The following CEP63 variants were observed in gnomAD, a reference collection of about 807,000 sequenced individuals.
CEP63 encodes centrosomal protein of 63 kDa.
CEP63 carries 84 observed loss-of-function variants against 89.1 expected under a neutral mutation model. That is an observed-to-expected ratio of 0.94 (90% CI 0.79 to 1.13). CEP63 has a LOEUF of 1.13. Among genes scored for constraint, CEP63 ranks in the 50% most tolerant of loss-of-function variants. CEP63 has a pLI of 0.00. For missense variants in CEP63, 838 were observed against 813.3 expected (o/e 1.03, Z -0.37); for synonymous variants, 267 against 272.5 (o/e 0.98, Z 0.20).
intron 10 of CEP63, among the ~76,000 whole-genome samples, chr3:134,583,223 T>C (rs1030460382): frequency 2.0e-5 from 3 of 152,150 alleles, no homozygotes; most frequent in Admixed American, 6.5e-5. Flanking sequence ...GTTGCCATTG[T>C]TTTTGGTGTT....
At chr3:134,647,795 A>T in the CEP63 span, among the ~76,000 whole-genome samples, 9 of 152,334 alleles carry the variant, frequency 5.9e-5, no homozygotes, top group African/African-American at 1.2e-4. Context: ...CTGCATACAT[A>T]TGAAAGCATT....
At chr3:134,628,578 C>G in the CEP63 span, among the ~76,000 whole-genome samples, 3 of 152,292 alleles carry the variant, frequency 2.0e-5, no homozygotes, top group East Asian at 5.8e-4. Context: ...TTTCTCACAC[C>G]TGCATTTTGT....
the CEP63 span, among the ~76,000 whole-genome samples, chr3:134,726,228 A>G: frequency 2.0e-5 from 3 of 152,028 alleles, no homozygotes; most frequent in Non-Finnish European, 4.4e-5. Context: ...GGCTTTTTCC[A>G]CGGAAAGGCA....
At chr3:134,540,261 G>A (rs776955432) in intron 6 of CEP63, among the ~76,000 whole-genome samples, 1 of 152,136 alleles carries the variant, frequency 6.6e-6, no homozygotes, top group African/African-American at 2.4e-5. Context: ...CAACAGATTT[G>A]TAGTCATAAT....
At chr3:134,538,566 T>TATATATATATATATATGTATATATA (rs1407833955) in intron 6 of CEP63, among the ~76,000 whole-genome samples, 1 of 144,046 alleles carries the variant, frequency 6.9e-6, no homozygotes, top group Non-Finnish European at 1.5e-5. Flanking sequence ...TATATATATA[T>TATATATATATATATATGTATATATA]TTTTTTAACA....
chr3:134,742,971 G>T, the CEP63 span, among the ~76,000 whole-genome samples: 1 of 152,248 alleles, frequency 6.6e-6, no homozygotes, highest in Non-Finnish European at 1.5e-5. Flanking sequence ...GGAGGAATCA[G>T]CTGGAACAGC....
the CEP63 span, among the ~76,000 whole-genome samples, chr3:134,615,640 G>A: frequency 6.6e-6 from 1 of 150,508 alleles, no homozygotes; most frequent in Non-Finnish European, 1.5e-5. Context: ...ATCTTTGTGA[G>A]TGCCATCCTT....
At chr3:134,701,137 C>T in the CEP63 span, among the ~76,000 whole-genome samples, 1 of 150,656 alleles carries the variant, frequency 6.6e-6, no homozygotes, top group Non-Finnish European at 1.5e-5. Flanking sequence ...GCATACAGTG[C>T]CCCAACATAT....
At chr3:134,489,024 A>G (rs1227627923) in intron 1 of CEP63, among the ~76,000 whole-genome samples, 3 of 151,758 alleles carry the variant, frequency 2.0e-5, no homozygotes, top group African/African-American at 4.8e-5. Flanking sequence ...GCGTGGTGGC[A>G]TGCGCCTGTA....
At chr3:134,761,024 A>C in the CEP63 span, among the ~76,000 whole-genome samples, 1 of 152,128 alleles carries the variant, frequency 6.6e-6, no homozygotes, top group Non-Finnish European at 1.5e-5. Context: ...TGTTAAAAAA[A>C]AAAAAAAGAA....
chr3:134,667,008 C>T, the CEP63 span, among the ~76,000 whole-genome samples: 2 of 152,210 alleles, frequency 1.3e-5, no homozygotes, highest in Non-Finnish European at 2.9e-5. Context: ...TCTATTGCCT[C>T]TCAGGCTGAG....
At chr3:134,559,116 TTTTA>T in intron 13 of CEP63, 30 bp from the exon 14 acceptor site, 1 of 1,610,290 alleles carries the variant, frequency 6.2e-7, no homozygotes. Context: ...TGCTACAATT[TTTTA>T]TTTGTTTTGT....
chr3:134,597,620 G>GT, the CEP63 span, among the ~76,000 whole-genome samples: 1 of 152,234 alleles, frequency 6.6e-6, no homozygotes, highest in African/African-American at 2.4e-5. Flanking sequence ...GCCCCAGCAA[G>GT]TGGCTGAGCA....
At chr3:134,580,210 A>C (rs1958313262) in intron 10 of CEP63, among the ~76,000 whole-genome samples, 1 of 145,582 alleles carries the variant, frequency 6.9e-6, no homozygotes, top group Non-Finnish European at 1.5e-5. Flanking sequence ...AAAAAAAAAA[A>C]CACTAAGTAA....
In CEP63 at chr3:134,551,954, A is replaced by G. The variant is rs377460377; in HGVS notation, c.1409A>G (p.Lys470Arg). Residue 470 changes from lysine to arginine, a missense_variant, in exon 12 of 15, where the codon AAA becomes AGA. By Grantham distance (26) the Lys-to-Arg change is conservative. Coordinates refer to ENST00000675561, the MANE Select transcript of CEP63 (RefSeq NM_001353108.3). ...ATTTTGGATCAGCTGGAGTCACTCA[A>G]ATTAGAAAATCGTCATCTTTCTGAA... ...KEILDQLESL[K>R]LENRHLSEMV... 9 of 1,609,658 alleles carry G rather than the reference A, an allele frequency of 5.6e-6. No individual in the cohort carries two copies. Among genetic ancestry groups the G allele is most frequent in the African/African-American group, 1.3e-5 (1 of 74,784 alleles).
At chr3:134,704,933 T>G in the CEP63 span, among the ~76,000 whole-genome samples, 1 of 152,208 alleles carries the variant, frequency 6.6e-6, no homozygotes. Context: ...CTTGATTCTC[T>G]TCTAACAGCT....
At chr3:134,748,780 G>A in the CEP63 span, among the ~76,000 whole-genome samples, 28 of 152,216 alleles carry the variant, frequency 1.8e-4, no homozygotes, top group African/African-American at 6.8e-4. Flanking sequence ...ATGTGACCCT[G>A]TCCTCAAGGA....
intron 1 of CEP63, among the ~76,000 whole-genome samples, chr3:134,488,632 G>A (rs562398025): frequency 1.5e-4 from 23 of 152,146 alleles, no homozygotes; most frequent in African/African-American, 4.8e-4. Context: ...AAGTGGTTTG[G>A]CCATTCCTCC....
At chr3:134,686,476 G>C in the CEP63 span, among the ~76,000 whole-genome samples, 2 of 152,326 alleles carry the variant, frequency 1.3e-5, no homozygotes, top group East Asian at 1.9e-4. Flanking sequence ...GAGTCTTCTA[G>C]CCAGGGGCAG....
Sources: allele counts gnomAD v4.1 joint callset (sites outside exome capture counted in the v4.1 genomes callset), GRCh38; gene constraint gnomAD v4.1.1; transcripts MANE v1.5; gene names NCBI Gene and HGNC (gene_info 2026-07-23, HGNC 2026-07-21).